The following MMP20 variants were observed in gnomAD, a reference collection of about 807,000 sequenced individuals.
MMP20 encodes matrix metalloproteinase-20.
Under a neutral mutation model 51.8 loss-of-function variants are expected in MMP20, and 50 were observed. The ratio of observed to expected loss-of-function variants is 0.97; its 90% CI spans 0.77 to 1.22. MMP20 has a LOEUF of 1.22. Among genes scored for constraint, MMP20 ranks in the 50% most tolerant of loss-of-function variants. The pLI is 0.00. For missense variants in MMP20, 663 were observed against 601.4 expected, an observed-to-expected ratio of 1.10 and a Z score of -1.07; for synonymous variants, 244 against 216.2, an observed-to-expected ratio of 1.13 and a Z score of -1.13.
intron 2 of MMP20, among the ~76,000 whole-genome samples, chr11:102,613,773 G>T (rs928755839): frequency 6.6e-6 from 1 of 152,126 alleles, no homozygotes; most frequent in East Asian, 1.9e-4. Flanking sequence ...AATTGAAGGG[G>T]GATACCAGAC....
At position 102,625,206 on chromosome 11, in the gene MMP20, G is replaced by T; in HGVS notation, c.114C>A (p.Tyr38Ter). The change falls in exon 1 of 10, where the codon TAC becomes TAA. Residue 38 changes from tyrosine to a stop codon, truncating the protein, a stop_gained. Coordinates refer to ENST00000260228, the MANE Select transcript of MMP20 (RefSeq NM_004771.4). LOFTEE classifies it high-confidence loss of function. ...AAAATTCACAAACCTGTGCGAGGCG[G>T]TAGTTGTTCCTCCAGGTCCTGGGGG... The part of the protein sequence containing the change: ...AASPRTWRNN[Y>*]RLAQAYLDKY... The T allele has an allele frequency of 6.2e-7, 1 of 1,613,928 alleles. No homozygotes were observed. Among genetic ancestry groups the T allele is most frequent in the Non-Finnish European group, 8.5e-7 (1 of 1,179,934 alleles).
chr11:102,582,268 T>A (rs552448439), intron 8 of MMP20, among the ~76,000 whole-genome samples: 9 of 152,160 alleles, frequency 5.9e-5, no homozygotes, highest in Non-Finnish European at 1.3e-4. Flanking sequence ...CAGTCACATG[T>A]CAAGGGCATA....
At chr11:102,587,642 A>G (rs760435087) in intron 8 of MMP20, among the ~76,000 whole-genome samples, 2 of 152,130 alleles carry the variant, frequency 1.3e-5, no homozygotes, top group Non-Finnish European at 2.9e-5. Context: ...TTAGATTCAC[A>G]TATGTTTATA....
At chr11:102,594,246 AGGGTATT>A (rs1859352833) in intron 7 of MMP20, among the ~76,000 whole-genome samples, 1 of 151,776 alleles carries the variant, frequency 6.6e-6, no homozygotes, top group Non-Finnish European at 1.5e-5. Context: ...CATAGAAGTA[AGGGTATT>A]GTTTACCTCC....
chr11:102,580,162 A>G (rs1328631146), intron 8 of MMP20, among the ~76,000 whole-genome samples: 2 of 152,284 alleles, frequency 1.3e-5, no homozygotes, highest in East Asian at 3.8e-4. Context: ...AGCAACCAGC[A>G]TTCAATGATA....
At chr11:102,579,281 T>C in intron 8 of MMP20, 139 bp from the exon 9 acceptor site, 1 of 643,312 alleles carries the variant, frequency 1.6e-6, no homozygotes, top group South Asian at 1.8e-5. Context: ...CACATACACA[T>C]GCATTTATGT....
chr11:102,591,616 G>GA (rs1212710813), intron 8 of MMP20, among the ~76,000 whole-genome samples: 10 of 152,132 alleles, frequency 6.6e-5, no homozygotes, highest in Admixed American at 6.5e-4. Flanking sequence ...TCCTTAACCA[G>GA]AAAAATGAGC....
At chr11:102,595,630 C>T (rs1458057563) in intron 6 of MMP20, among the ~76,000 whole-genome samples, 11 of 152,152 alleles carry the variant, frequency 7.2e-5, no homozygotes. Context: ...TAATTGTGCG[C>T]TGGAAGCATT....
intron 9 of MMP20, among the ~76,000 whole-genome samples, chr11:102,578,833 T>C (rs1029392753): frequency 6.6e-6 from 1 of 152,100 alleles, no homozygotes; most frequent in Non-Finnish European, 1.5e-5. Flanking sequence ...AAACTTTCCA[T>C]TAGGAAAGAG....
At chr11:102,593,863 A>G (rs776956773) in intron 7 of MMP20, among the ~76,000 whole-genome samples, 2 of 152,220 alleles carry the variant, frequency 1.3e-5, no homozygotes, top group Non-Finnish European at 2.9e-5. Context: ...GTCTTTCAAG[A>G]TATCCTTCAT....
intron 1 of MMP20, among the ~76,000 whole-genome samples, chr11:102,622,858 G>A (rs1859768037): frequency 6.6e-6 from 1 of 152,176 alleles, no homozygotes; most frequent in Non-Finnish European, 1.5e-5. Flanking sequence ...ATTTTATGAG[G>A]CTGATGAGGT....
intron 9 of MMP20, among the ~76,000 whole-genome samples, 175 bp from the exon 10 acceptor site, chr11:102,577,601 C>A (rs1591606099): frequency 6.6e-6 from 1 of 152,226 alleles, no homozygotes; most frequent in African/African-American, 2.4e-5. Flanking sequence ...CTGAACTTCT[C>A]AGTCATTTCT....
chr11:102,582,735 A>C (rs539998148), intron 8 of MMP20, among the ~76,000 whole-genome samples: 3 of 152,342 alleles, frequency 2.0e-5, no homozygotes, highest in Admixed American at 6.5e-5. Flanking sequence ...AAGTAGAAGA[A>C]TGTCAGGACA....
At chr11:102,603,103 C>A (rs1195231882) in intron 6 of MMP20, among the ~76,000 whole-genome samples, 1 of 152,224 alleles carries the variant, frequency 6.6e-6, no homozygotes, top group Non-Finnish European at 1.5e-5. Context: ...CTCACGGTGA[C>A]TTTAAAAGGT....
rs144219408 is a variant in MMP20 at position 102,593,561 on chromosome 11, C to T, written c.1125G>A (p.Met375Ile). Residue 375 changes from methionine (M) to isoleucine (I), a missense_variant, in exon 8 of 10, where the codon ATG becomes ATA. Coordinates refer to ENST00000260228, the MANE Select transcript of MMP20 (RefSeq NM_004771.4). ...PHYWITRGFQ[M>I]QGPPRTIYDF... Reference sequence around the variant, plus strand: ...CATAAATAGTCCGAGGAGGACCTTGCATTTGGAATCCTCTTGTTATCCAGT... The same window carrying T: ...CATAAATAGTCCGAGGAGGACCTTGTATTTGGAATCCTCTTGTTATCCAGT... The T allele has an allele frequency of 2.7e-5, 44 of 1,613,972 alleles. No individual in the cohort carries two copies. Among genetic ancestry groups the T allele is most frequent in the Non-Finnish European group, 3.6e-5 (43 of 1,179,996 alleles).
intron 8 of MMP20, among the ~76,000 whole-genome samples, chr11:102,584,457 C>T (rs1284134710): frequency 1.3e-5 from 2 of 152,058 alleles, no homozygotes; most frequent in Admixed American, 6.6e-5. Context: ...AGATCCTTTG[C>T]CCATATTTTA....
At chr11:102,578,463 A>G (rs1859152078) in intron 9 of MMP20, among the ~76,000 whole-genome samples, 1 of 152,210 alleles carries the variant, frequency 6.6e-6, no homozygotes, top group Admixed American at 6.5e-5. Context: ...TAAAGATAGA[A>G]AAGGTAATCT....
intron 1 of MMP20, among the ~76,000 whole-genome samples, chr11:102,621,991 A>G (rs1311816572): frequency 1.3e-5 from 2 of 152,194 alleles, no homozygotes; most frequent in African/African-American, 4.8e-5. Context: ...TTTAAATGTC[A>G]TATTGACACT....
chr11:102,580,101 G>T (rs530586894), intron 8 of MMP20, among the ~76,000 whole-genome samples: 1 of 152,128 alleles, frequency 6.6e-6, no homozygotes, highest in South Asian at 2.1e-4. Context: ...TTGTTTCCTG[G>T]AAAGCTTATA....
Sources: gnomAD v4.1 joint callset for allele counts (sites outside exome capture counted in the v4.1 genomes callset) on GRCh38, gnomAD v4.1.1 for gene constraint, MANE v1.5 for transcripts, NCBI Gene and HGNC (gene_info 2026-07-23, HGNC 2026-07-21) for gene names.